CEP120: variants seen among roughly 807,000 people sequenced by gnomAD.
The protein encoded by CEP120 is centrosomal protein 120.
Under a neutral mutation model 126.5 loss-of-function variants are expected in CEP120, and 113 were observed. The ratio of observed to expected loss-of-function variants is 0.89; its 90% confidence interval spans 0.77 to 1.04. CEP120 has a LOEUF of 1.04. Ranked by LOEUF, CEP120 falls within the 50% of genes least tolerant of loss-of-function variation. The pLI is 0.00. For synonymous variants in CEP120, 400 were observed against 394.3 expected, an observed-to-expected ratio of 1.01 and a Z score of -0.17; for missense variants, 1,230 against 1,155.7, an observed-to-expected ratio of 1.06 and a Z score of -0.93.
At chr5:123,383,964 G>C (rs1164603726) in intron 11 of CEP120, among the ~76,000 whole-genome samples, 1 of 152,042 alleles carries the variant, frequency 6.6e-6, no homozygotes, top group Non-Finnish European at 1.5e-5. Flanking sequence ...TAATCTCACA[G>C]ATTTCAGAAG....
In CEP120 at chr5:123,344,969, C is replaced by T. The variant is rs1251888909; in HGVS notation, c.*1550G>A. ...CAAAAGGCAAAATAAACTACACATC[C>T]ATTTTAGAAAAGTCCTTTTTATTTC... On this transcript the variant is annotated 3_prime_UTR_variant, in exon 20 of 20. Coordinates refer to ENST00000306467, the MANE Select transcript of CEP120 (RefSeq NM_001375405.1). 6.6e-6 allele frequency: 1 copy of T among 152,118 alleles called. No individual in the cohort carries two copies. The highest frequency in any genetic ancestry group is 1.5e-5 in the Non-Finnish European group (1 of 68,018). 9.4% of individuals were successfully genotyped at this position (152,118 alleles called of 1,614,324 possible).
chr5:123,407,120 C>A (rs896522646), intron 4 of CEP120, among the ~76,000 whole-genome samples: 2,020 of 129,322 alleles, frequency 0.016, 17 homozygotes, highest in Non-Finnish European at 0.022. Context: ...AAAAAAAAAA[C>A]AAAAAACAAA....
chr5:123,404,109 T>G (rs746359112), intron 4 of CEP120, among the ~76,000 whole-genome samples: 11 of 152,232 alleles, frequency 7.2e-5, no homozygotes, highest in Non-Finnish European at 1.3e-4. Context: ...CTCCAAATAT[T>G]CAGGTGCATT....
intron 1 of CEP120, among the ~76,000 whole-genome samples, chr5:123,420,209 GTC>G (rs1774633689): frequency 6.6e-6 from 1 of 152,126 alleles, no homozygotes; most frequent in Non-Finnish European, 1.5e-5. Flanking sequence ...CCAAATGAAT[GTC>G]ATATATGTCA....
At chr5:123,385,540 C>T (rs1771959587) in intron 10 of CEP120, among the ~76,000 whole-genome samples, 1 of 151,922 alleles carries the variant, frequency 6.6e-6, no homozygotes, top group African/African-American at 2.4e-5. Context: ...GTACATTCTA[C>T]AATGTTCACA....
chr5:123,385,776 G>C (rs529971835), intron 10 of CEP120, among the ~76,000 whole-genome samples: 2 of 151,868 alleles, frequency 1.3e-5, no homozygotes, highest in South Asian at 2.1e-4. Context: ...GCTAATTTTT[G>C]TATTTTTTGT....
At chr5:123,385,594 C>G (rs1003382024) in intron 10 of CEP120, among the ~76,000 whole-genome samples, 4 of 150,750 alleles carry the variant, frequency 2.7e-5, no homozygotes, top group African/African-American at 9.8e-5. Context: ...TAATGTATCC[C>G]TATCTTTAAT....
At chr5:123,422,893 C>G in intron 1 of CEP120, 57 bp downstream of exon 1, 1 of 1,519,662 alleles carries the variant, frequency 6.6e-7, no homozygotes, top group African/African-American at 1.4e-5. Context: ...CGGTCCCACA[C>G]TAAGCTTTTA....
Position 123,390,074 on chromosome 5 carries a change from G to A in CEP120, c.1105C>T (p.Pro369Ser), listed in dbSNP as rs61747983. The change falls in exon 8 of 20, where the codon CCC (proline) becomes TCC (serine). Residue 369 changes from proline to serine, a missense_variant. Transcript: ENST00000306467. ...PEHSKKKVLT[P>S]IKEKTLTGPK... ...CCAGTAAGTGTCTTCTCCTTTATGG[G>A]GGTTAAAACTTTCTTCTTTGAATGC... 2.9e-3 allele frequency: 4,655 copies of A among 1,613,972 alleles called. 127 individuals are homozygous for A. The African/African-American group carries it at 0.056, about 19-fold the overall frequency.
chr5:123,404,934 G>A (rs1052490652), intron 4 of CEP120, among the ~76,000 whole-genome samples: 70 of 152,124 alleles, frequency 4.6e-4, no homozygotes, highest in Non-Finnish European at 1.3e-4. Flanking sequence ...AAAAACTTTC[G>A]AGACTATCTC....
chr5:123,415,397 A>AT (rs1774322487), intron 3 of CEP120, among the ~76,000 whole-genome samples: 1 of 152,248 alleles, frequency 6.6e-6, no homozygotes, highest in Admixed American at 6.5e-5. Context: ...AGCAGGAAAC[A>AT]TTAGAAGAGG....
At chr5:123,377,593 G>T in intron 15 of CEP120, 58 bp from the exon 16 acceptor site, 2 of 1,304,034 alleles carry the variant, frequency 1.5e-6, no homozygotes, top group South Asian at 1.5e-5. Flanking sequence ...TATACTATTC[G>T]ATATTCCAAT....
rs200116398 is a variant in CEP120, at chr5:123,382,191, T to C, written c.2023A>G (p.Lys675Glu). ...EDIFENQLKQ[K>E]ELAHMQALAE... Reference sequence around the variant, plus strand: ...AGAGCCTGCATATGAGCCAGTTCTTTCTGCTTCAGCTACAAAAGGAAGAAA... The same window carrying C: ...AGAGCCTGCATATGAGCCAGTTCTTCCTGCTTCAGCTACAAAAGGAAGAAA... Residue 675 changes from lysine (K) to glutamate (E), a missense_variant, in exon 14 of 20, where the codon AAA (lysine) becomes GAA (glutamate). By Grantham distance (56) the Lys-to-Glu change is moderately conservative. Transcript: ENST00000306467. The C allele has an allele frequency of 7.5e-6, 12 of 1,603,182 alleles. No homozygotes were observed. The African/African-American group carries it at 1.2e-4, about 16-fold the overall frequency.
intron 17 of CEP120, among the ~76,000 whole-genome samples, chr5:123,369,443 A>G (rs1405248805): frequency 6.6e-6 from 1 of 152,014 alleles, no homozygotes; most frequent in African/African-American, 2.4e-5. Flanking sequence ...CTATTATACT[A>G]TAACTCTATT....
Position 123,346,346 on chromosome 5 carries a change from G to A in CEP120, c.*173C>T. ...AATTACAAATAAAACCAGTGTGGGA[G>A]AGGTAGCATAAAGTAAATAAGATCA... is the stretch of plus-strand genomic sequence containing the variant. On this transcript the variant is annotated 3_prime_UTR_variant, in exon 20 of 20. Transcript: ENST00000306467. 1 of 485,100 alleles carries A rather than the reference G, an allele frequency of 2.1e-6. No individual in the cohort carries two copies. The highest frequency in any genetic ancestry group is 4.2e-5 in the South Asian group (1 of 23,998). 30.0% of individuals were successfully genotyped at this position (485,100 alleles called of 1,614,324 possible).
intron 8 of CEP120, among the ~76,000 whole-genome samples, chr5:123,389,417 C>A (rs1191722790): frequency 6.6e-6 from 1 of 152,108 alleles, no homozygotes; most frequent in Non-Finnish European, 1.5e-5. Flanking sequence ...ATAAAAAATT[C>A]TGTTAATTTA....
Position 123,350,064 on chromosome 5 carries a change from C to G in CEP120, c.2606G>C (p.Arg869Pro), listed in dbSNP as rs771132137. ...CAATTCTTCCTGCTGTTTTTTAAGA[C>G]GAGCCATTTGACTTTCTTGCTCCCT... ...KQREQESQMA[R>P]LKKQQEELEQ... Residue 869 changes from arginine (R) to proline (P), a missense_variant, in exon 19 of 20, where the codon CGT becomes CCT. Physicochemically the swap from Arg to Pro is moderately radical, Grantham distance 103. Transcript: ENST00000306467. 5 of 1,612,292 alleles carry G rather than the reference C, an allele frequency of 3.1e-6. No individual in the cohort carries two copies. The highest frequency in any genetic ancestry group is 4.2e-6 in the Non-Finnish European group (5 of 1,179,438).
intron 1 of CEP120, among the ~76,000 whole-genome samples, chr5:123,420,869 T>C (rs1457252625): frequency 6.6e-6 from 1 of 152,214 alleles, no homozygotes; most frequent in Non-Finnish European, 1.5e-5. Context: ...GATGACCATT[T>C]GGAAGTTAGA....
chr5:123,422,658 A>G, intron 1 of CEP120: 1 of 960,888 alleles, frequency 1.0e-6, no homozygotes, highest in Non-Finnish European at 1.6e-6. Flanking sequence ...CGTTCAGCTC[A>G]TATATAAAAG....
Sources: allele counts gnomAD v4.1 joint callset (sites outside exome capture counted in the v4.1 genomes callset), GRCh38; gene constraint gnomAD v4.1.1; transcripts MANE v1.5; gene names NCBI Gene and HGNC (gene_info 2026-07-23, HGNC 2026-07-21).